Variants in ATP13A5 observed in about 807,000 individuals in gnomAD.
ATP13A5 encodes probable cation-transporting ATPase 13A5.
In ATP13A5, 149 loss-of-function variants were observed where a neutral mutation model predicts 150.2. The observed-to-expected ratio is 0.99, with a 90% CI of 0.87 to 1.14. The LOEUF is 1.14. Ranked by LOEUF, ATP13A5 falls within the 50% of genes most tolerant of loss-of-function variation. The pLI, the probability that ATP13A5 is intolerant of heterozygous loss-of-function variation, is 0.00. For synonymous variants in ATP13A5, 497 were observed against 522.2 expected, an observed-to-expected ratio of 0.95 and a Z score of 0.66; for missense variants, 1,383 against 1,449.3, an observed-to-expected ratio of 0.95 and a Z score of 0.74.
At chr3:193,318,030 A>T (rs1231891889) in intron 17 of ATP13A5, among the ~76,000 whole-genome samples, 2 of 152,260 alleles carry the variant, frequency 1.3e-5, no homozygotes, top group Non-Finnish European at 2.9e-5. Flanking sequence ...AAATCTGAGA[A>T]TGACATTCAT....
intron 11 of ATP13A5, among the ~76,000 whole-genome samples, chr3:193,332,061 G>A (rs367570013): frequency 1.8e-4 from 28 of 152,230 alleles, no homozygotes; most frequent in Non-Finnish European, 2.8e-4. Context: ...CCCAAATCTC[G>A]TCTTGAATTG....
chr3:193,343,898 G>A (rs1397280010), intron 9 of ATP13A5, 29 bp downstream of exon 9: 5 of 1,605,614 alleles, frequency 3.1e-6, no homozygotes, highest in African/African-American at 2.7e-5. Flanking sequence ...GTCAGACAGG[G>A]AAGAGGAAGC....
At chr3:193,364,426 G>T in intron 1 of ATP13A5, 146 bp from the exon 2 acceptor site, 1 of 922,804 alleles carries the variant, frequency 1.1e-6, no homozygotes, top group Non-Finnish European at 1.6e-6. Context: ...TTGACTGCTT[G>T]CAGCTGTCCA....
intron 1 of ATP13A5, among the ~76,000 whole-genome samples, chr3:193,376,597 T>C (rs1470586855): frequency 6.6e-6 from 1 of 152,138 alleles, no homozygotes; most frequent in Non-Finnish European, 1.5e-5. Flanking sequence ...GATACTTAGG[T>C]AAAAGTGTGC....
intron 25 of ATP13A5, among the ~76,000 whole-genome samples, chr3:193,292,759 G>T (rs1718020284): frequency 6.6e-6 from 1 of 152,000 alleles, no homozygotes; most frequent in South Asian, 2.1e-4. Flanking sequence ...ACCCATGAAT[G>T]GGGAGAATAA....
Position 193,301,311 on chromosome 3 carries a change from T to C in ATP13A5, c.2679-4A>G. The C allele has an allele frequency of 4.4e-6, 7 of 1,601,508 alleles. No homozygotes were observed. The East Asian group carries it at 6.7e-5, about 15-fold the overall frequency. Reference sequence around the variant, plus strand: ...AACCAGAGCAGCTCGGCCTTCTCTGTTTAAAAAGAAATAAAAATAAAAATT... The same window carrying C: ...AACCAGAGCAGCTCGGCCTTCTCTGCTTAAAAAGAAATAAAAATAAAAATT... On this transcript the variant is annotated splice_region_variant and splice_polypyrimidine_tract_variant and intron_variant, in intron 23 of 29. Coordinates refer to ENST00000342358, the MANE Select transcript of ATP13A5 (RefSeq NM_198505.4).
rs9853228 is a variant in ATP13A5, at chr3:193,330,215, G to A, written c.1461+908C>T. On this transcript the variant is annotated intron_variant, in intron 12 of 29. Coordinates refer to ENST00000342358, the MANE Select transcript of ATP13A5 (RefSeq NM_198505.4). Reference sequence around the variant, plus strand: ...CAACCGTGGCAGGTAACTGTGCCCCGCGCTTTCCTCAGGCCTCTATTAAAC... The same window carrying A: ...CAACCGTGGCAGGTAACTGTGCCCCACGCTTTCCTCAGGCCTCTATTAAAC... Among the ~76,000 whole-genome samples the A allele has an allele frequency of 7.6e-3, 1,150 of 152,222 alleles. 13 individuals are homozygous for A. Among genetic ancestry groups the A allele is most frequent in the African/African-American group, 0.026 (1,074 of 41,522 alleles).
chr3:193,347,372 T>G (rs186297632), intron 7 of ATP13A5, among the ~76,000 whole-genome samples: 18 of 152,180 alleles, frequency 1.2e-4, no homozygotes, highest in Admixed American at 1.2e-3. Flanking sequence ...TGAAAAATGT[T>G]AAAGTAATCT....
intron 9 of ATP13A5, among the ~76,000 whole-genome samples, chr3:193,342,621 C>T (rs987245289): frequency 3.9e-5 from 6 of 152,130 alleles, no homozygotes; most frequent in East Asian, 1.9e-4. Context: ...TGAAAGGCAG[C>T]GTTGTTTGTC....
intron 12 of ATP13A5, among the ~76,000 whole-genome samples, chr3:193,328,875 G>C (rs1711516005): frequency 6.6e-6 from 1 of 152,184 alleles, no homozygotes; most frequent in African/African-American, 2.4e-5. Context: ...CCAACATGAT[G>C]GTGATAGAAT....
chr3:193,344,340 G>A (rs1265580775), intron 8 of ATP13A5, among the ~76,000 whole-genome samples: 1 of 152,222 alleles, frequency 6.6e-6, no homozygotes, highest in African/African-American at 2.4e-5. Context: ...CAAAGCAGAA[G>A]TGCAGCTTCC....
chr3:193,356,545 G>C (rs1712797691), intron 5 of ATP13A5, among the ~76,000 whole-genome samples: 4 of 151,938 alleles, frequency 2.6e-5, no homozygotes, highest in Admixed American at 2.6e-4. Context: ...AGGAGTTTGA[G>C]ACCAGCCTGG....
chr3:193,316,464 T>C (rs1295800491), intron 17 of ATP13A5, among the ~76,000 whole-genome samples: 1 of 152,200 alleles, frequency 6.6e-6, no homozygotes, highest in Non-Finnish European at 1.5e-5. Flanking sequence ...GGTTCTAATT[T>C]CTCTATATCC....
chr3:193,345,204 TTGA>T, intron 7 of ATP13A5, 129 bp from the exon 8 acceptor site: 1 of 821,802 alleles, frequency 1.2e-6, no homozygotes, highest in Non-Finnish European at 2.0e-6. Context: ...TCAACTTCTT[TTGA>T]TGCTTCAGCT....
intron 28 of ATP13A5, 97 bp from the exon 29 acceptor site, chr3:193,276,927 C>T (rs1377086779): frequency 5.4e-6 from 5 of 921,368 alleles, no homozygotes; most frequent in African/African-American, 5.0e-5. Context: ...TAATAACTCT[C>T]TGAGCTTAGT....
intron 1 of ATP13A5, 102 bp downstream of exon 1, chr3:193,378,561 C>A: frequency 1.9e-6 from 2 of 1,058,522 alleles, no homozygotes; most frequent in South Asian, 2.9e-5. Flanking sequence ...GGTCCTAAAG[C>A]CTGAAGCATA....
At chr3:193,305,486 A>C in intron 23 of ATP13A5, 73 bp downstream of exon 23, 1 of 1,156,412 alleles carries the variant, frequency 8.6e-7, no homozygotes, top group Non-Finnish European at 1.3e-6. Flanking sequence ...TTTAGCTTGT[A>C]GTTGAATTCT....
At chr3:193,288,401 C>A (rs1717811312) in intron 26 of ATP13A5, among the ~76,000 whole-genome samples, 1 of 152,114 alleles carries the variant, frequency 6.6e-6, no homozygotes, top group Admixed American at 6.5e-5. Context: ...ATACCCCAAC[C>A]TTCAACAACC....
chr3:193,334,713 T>A (rs1046970425), intron 10 of ATP13A5, among the ~76,000 whole-genome samples: 1 of 152,180 alleles, frequency 6.6e-6, no homozygotes, highest in Non-Finnish European at 1.5e-5. Context: ...AAATTTTACT[T>A]CACCTACACA....
Sources: gnomAD v4.1 joint callset for allele counts (sites outside exome capture counted in the v4.1 genomes callset) on GRCh38, gnomAD v4.1.1 for gene constraint, MANE v1.5 for transcripts, NCBI Gene and HGNC (gene_info 2026-07-23, HGNC 2026-07-21) for gene names.